The following LRCH2 variants were observed in gnomAD, a reference collection of about 807,000 sequenced individuals.
LRCH2 encodes the protein leucine-rich repeat and calponin homology domain-containing protein 2.
Under a neutral mutation model 68.9 loss-of-function variants are expected in LRCH2, and 38 were observed. That is an observed-to-expected ratio of 0.55 (90% confidence interval 0.43 to 0.72). LRCH2 has a LOEUF of 0.72. LRCH2 is among the 30% of genes least tolerant of loss of function. LRCH2 has a pLI of 0.00. For missense variants in LRCH2, 528 were observed against 572.9 expected, an observed-to-expected ratio of 0.92 and a Z score of 0.80; for synonymous variants, 191 against 208.1, an observed-to-expected ratio of 0.92 and a Z score of 0.71.
At chrX:115,190,661 C>CGGGGG (rs2072791589) in intron 1 of LRCH2, 3 of 519,163 alleles carry the variant, frequency 5.8e-6, no homozygotes, top group Non-Finnish European at 5.3e-6. Flanking sequence ...CGCAACAGTT[C>CGGGGG]CAGCAACAGT....
intron 14 of LRCH2, among the ~76,000 whole-genome samples, chrX:115,145,582 G>A (rs1361411165): frequency 9.0e-6 from 1 of 111,597 alleles, no homozygotes; most frequent in Non-Finnish European, 1.9e-5. Context: ...GAGCTCAAGC[G>A]ACTCTTTAGG....
chrX:115,216,277 G>A (rs1395724760), intron 1 of LRCH2, among the ~76,000 whole-genome samples: 7 of 111,575 alleles, frequency 6.3e-5, no homozygotes, highest in African/African-American at 2.3e-4. Flanking sequence ...AATTTATAAA[G>A]ACCTACAGGT....
intron 1 of LRCH2, among the ~76,000 whole-genome samples, chrX:115,202,223 A>G (rs1556566563): frequency 1.8e-5 from 2 of 112,069 alleles, no homozygotes; most frequent in Admixed American, 9.5e-5. Flanking sequence ...CAACATGGAT[A>G]GAACTGAAGG....
At chrX:115,116,206 T>A (rs2072081108) in intron 20 of LRCH2, among the ~76,000 whole-genome samples, 1 of 111,475 alleles carries the variant, frequency 9.0e-6, no homozygotes, top group Non-Finnish European at 1.9e-5. Flanking sequence ...CTGCTAGGTA[T>A]AACCAAGAGA....
chrX:115,182,923 T>C (rs2072704241), intron 3 of LRCH2, among the ~76,000 whole-genome samples: 2 of 109,882 alleles, frequency 1.8e-5, no homozygotes, highest in African/African-American at 3.3e-5. Context: ...AAGTTGTCAT[T>C]ATCTATATTT....
intron 12 of LRCH2, among the ~76,000 whole-genome samples, chrX:115,151,893 G>A (rs2072434708): frequency 9.0e-6 from 1 of 110,958 alleles, no homozygotes; most frequent in Admixed American, 9.7e-5. Flanking sequence ...AGGAGACAGA[G>A]CTGGAGCCAG....
chrX:115,168,698 A>G (rs1223197194), intron 6 of LRCH2, among the ~76,000 whole-genome samples: 2 of 110,993 alleles, frequency 1.8e-5, no homozygotes, highest in African/African-American at 6.5e-5. Flanking sequence ...ACTTTATTCT[A>G]GACCCCCTGA....
chrX:115,183,075 C>A (rs1484568997), intron 3 of LRCH2, among the ~76,000 whole-genome samples: 2 of 110,164 alleles, frequency 1.8e-5, no homozygotes, highest in Non-Finnish European at 3.8e-5. Context: ...CACACGCACA[C>A]ACACACACAC....
chrX:115,215,575 C>T (rs781803584), intron 1 of LRCH2, among the ~76,000 whole-genome samples: 26 of 108,833 alleles, frequency 2.4e-4, no homozygotes, highest in Non-Finnish European at 4.2e-4. Flanking sequence ...GATGAAACCC[C>T]GTCTCTACTA....
At chrX:115,161,945 T>TC (rs1262719089) in intron 11 of LRCH2, among the ~76,000 whole-genome samples, 5 of 104,348 alleles carry the variant, frequency 4.8e-5, no homozygotes, top group African/African-American at 1.7e-4. Flanking sequence ...TTTTTTTTTT[T>TC]TTTGAGATCT....
chrX:115,230,937 G>A, intron 1 of LRCH2, among the ~76,000 whole-genome samples: 1 of 110,156 alleles, frequency 9.1e-6, no homozygotes, highest in South Asian at 4.0e-4. Context: ...GTCTAGGGTG[G>A]GATCCAGGCA....
intron 11 of LRCH2, among the ~76,000 whole-genome samples, chrX:115,157,894 G>A (rs2072488162): frequency 1.8e-5 from 2 of 109,740 alleles, no homozygotes; most frequent in African/African-American, 6.6e-5. Flanking sequence ...CATTAGCATT[G>A]TGATTACGGT....
chrX:115,172,848 A>C (rs782442945), intron 5 of LRCH2, among the ~76,000 whole-genome samples: 1 of 108,381 alleles, frequency 9.2e-6, no homozygotes, highest in East Asian at 2.9e-4. Context: ...TCAGACAAGA[A>C]GAATTCCCCT....
intron 1 of LRCH2, among the ~76,000 whole-genome samples, chrX:115,195,312 A>G (rs2072879449): frequency 9.2e-6 from 1 of 108,900 alleles, no homozygotes; most frequent in Non-Finnish European, 1.9e-5. Context: ...AGTTGTAGGA[A>G]TATGGTTAGT....
At chrX:115,213,063 T>C (rs1324578983) in intron 1 of LRCH2, among the ~76,000 whole-genome samples, 1 of 108,721 alleles carries the variant, frequency 9.2e-6, no homozygotes, top group African/African-American at 3.4e-5. Flanking sequence ...CCTCCTAGAG[T>C]GTTGGGATTA....
At chrX:115,144,565 C>CAAAAAAAAAAA (rs59018534) in intron 14 of LRCH2, among the ~76,000 whole-genome samples, 1 of 96,050 alleles carries the variant, frequency 1.0e-5, no homozygotes, top group Non-Finnish European at 2.1e-5. Flanking sequence ...TAGACTCCAC[C>CAAAAAAAAAAA]AAAAAAAAAA....
At chrX:115,184,611 T>C (rs782472926) in intron 2 of LRCH2, 74 bp from the exon 3 acceptor site, 79 of 886,039 alleles carry the variant, frequency 8.9e-5, no homozygotes, top group Non-Finnish European at 1.1e-4. Context: ...GAAATCACTT[T>C]GTAAGTAAAT....
chrX:115,229,635 A>G (rs1446943003), intron 1 of LRCH2, among the ~76,000 whole-genome samples: 1 of 111,979 alleles, frequency 8.9e-6, no homozygotes, highest in Non-Finnish European at 1.9e-5. Context: ...ATATGAGTCA[A>G]CTGTCAAAAA....
chrX:115,214,291 G>A (rs1569517533), intron 1 of LRCH2, among the ~76,000 whole-genome samples: 2 of 111,945 alleles, frequency 1.8e-5, no homozygotes, highest in Non-Finnish European at 3.8e-5. Flanking sequence ...GCTGTCTGTC[G>A]GATGCAAGGA....
Sources: gnomAD v4.1 joint callset for allele counts (sites outside exome capture counted in the v4.1 genomes callset) on GRCh38, gnomAD v4.1.1 for gene constraint, MANE v1.5 for transcripts, NCBI Gene and HGNC (gene_info 2026-07-23, HGNC 2026-07-21) for gene names.